Variants in GRM5 observed in about 807,000 individuals in gnomAD.
GRM5 encodes glutamate metabotropic receptor 5, also known as metabotropic glutamate receptor 5.
GRM5 carries 19 observed loss-of-function variants against 83.1 expected under a neutral mutation model. The observed-to-expected ratio is 0.23, with a 90% CI of 0.16 to 0.34. The LOEUF is 0.34. GRM5 is among the 10% of genes least tolerant of loss of function. GRM5 has a pLI of 1.00. For missense variants in GRM5, 1,160 were observed against 1,588.3 expected, an observed-to-expected ratio of 0.73 and a Z score of 4.58; for synonymous variants, 675 against 633.6, an observed-to-expected ratio of 1.07 and a Z score of -0.98.
At chr11:88,943,847 T>C (rs1192993286) in intron 2 of GRM5, among the ~76,000 whole-genome samples, 9 of 152,008 alleles carry the variant, frequency 5.9e-5, no homozygotes, top group Non-Finnish European at 1.0e-4. Flanking sequence ...TTGGCATCCA[T>C]AGCTACAAAT....
chr11:88,646,293 C>G (rs186913897), intron 4 of GRM5, among the ~76,000 whole-genome samples: 1 of 152,120 alleles, frequency 6.6e-6, no homozygotes, highest in East Asian at 1.9e-4. Context: ...AAATTATACT[C>G]TTAATACTTC....
chr11:89,016,121 A>G (rs1007041600), intron 2 of GRM5, among the ~76,000 whole-genome samples: 8 of 151,760 alleles, frequency 5.3e-5, no homozygotes, highest in African/African-American at 1.9e-4. Context: ...TTCTAGTGTT[A>G]AGGTAAAACT....
intron 3 of GRM5, among the ~76,000 whole-genome samples, chr11:88,765,601 G>C (rs1173237690): frequency 5.3e-5 from 8 of 151,636 alleles, no homozygotes; most frequent in Non-Finnish European, 1.5e-5. Context: ...GAAAATGGCA[G>C]TCTTCAACAA....
At chr11:88,750,066 G>A (rs1314243619) in intron 3 of GRM5, among the ~76,000 whole-genome samples, 1 of 152,060 alleles carries the variant, frequency 6.6e-6, no homozygotes, top group African/African-American at 2.4e-5. Flanking sequence ...AATGATGATA[G>A]AATCAAATTC....
intron 3 of GRM5, among the ~76,000 whole-genome samples, chr11:88,653,852 T>C (rs1939699037): frequency 6.6e-6 from 1 of 152,072 alleles, no homozygotes; most frequent in Non-Finnish European, 1.5e-5. Context: ...ACATACCTAA[T>C]ATTAATTTAA....
intron 4 of GRM5, among the ~76,000 whole-genome samples, chr11:88,626,073 T>C (rs149430668): frequency 0.01 from 1,564 of 152,302 alleles, 28 homozygotes; most frequent in African/African-American, 0.035. Flanking sequence ...ACATACTTCT[T>C]GGCCAGTATT....
intron 3 of GRM5, among the ~76,000 whole-genome samples, chr11:88,713,166 A>T (rs889925288): frequency 6.6e-6 from 1 of 152,004 alleles, no homozygotes; most frequent in Non-Finnish European, 1.5e-5. Context: ...CATTTAGTTT[A>T]AAAAAACAAA....
chr11:88,748,583 C>T (rs931734768), intron 3 of GRM5, among the ~76,000 whole-genome samples: 1 of 152,130 alleles, frequency 6.6e-6, no homozygotes, highest in South Asian at 2.1e-4. Flanking sequence ...ACCTGCTCTA[C>T]CAGAAAGCAT....
chr11:88,578,333 T>A (rs1209770843), intron 7 of GRM5, among the ~76,000 whole-genome samples: 1 of 152,176 alleles, frequency 6.6e-6, no homozygotes, highest in African/African-American at 2.4e-5. Context: ...TAGTTAGCAC[T>A]GTATCATAAT....
At chr11:88,557,444 T>C (rs1460450488) in intron 8 of GRM5, among the ~76,000 whole-genome samples, 1 of 151,948 alleles carries the variant, frequency 6.6e-6, no homozygotes, top group African/African-American at 2.4e-5. Flanking sequence ...GCTGGGGAGG[T>C]AGCCATGAGT....
intron 3 of GRM5, among the ~76,000 whole-genome samples, chr11:88,737,394 A>G (rs1464773993): frequency 6.6e-6 from 1 of 152,064 alleles, no homozygotes; most frequent in African/African-American, 2.4e-5. Flanking sequence ...TAGGTATTCA[A>G]TGAACACTTA....
chr11:88,637,137 T>C (rs1218702109), intron 4 of GRM5, among the ~76,000 whole-genome samples: 4 of 152,160 alleles, frequency 2.6e-5, no homozygotes, highest in African/African-American at 9.7e-5. Flanking sequence ...ATAAATTACC[T>C]TGGGCAGTAT....
intron 8 of GRM5, among the ~76,000 whole-genome samples, chr11:88,553,950 TA>T (rs1942567318): frequency 6.6e-6 from 1 of 152,150 alleles, no homozygotes; most frequent in Non-Finnish European, 1.5e-5. Flanking sequence ...GTGTTGTGGT[TA>T]GGAAAGGATC....
intron 2 of GRM5, among the ~76,000 whole-genome samples, chr11:88,971,974 G>A (rs1193973385): frequency 2.6e-5 from 4 of 152,054 alleles, no homozygotes; most frequent in Non-Finnish European, 5.9e-5. Context: ...AGTTGAAGGA[G>A]CTTCCACTAG....
intron 3 of GRM5, among the ~76,000 whole-genome samples, chr11:88,656,466 AGAGAG>A (rs1196361340): frequency 6.6e-5 from 10 of 152,184 alleles, no homozygotes; most frequent in Non-Finnish European, 1.0e-4. Flanking sequence ...ATGGGCATGC[AGAGAG>A]TGGTACACAT....
At chr11:88,712,672 A>G (rs998354899) in intron 3 of GRM5, among the ~76,000 whole-genome samples, 1 of 152,036 alleles carries the variant, frequency 6.6e-6, no homozygotes, top group Non-Finnish European at 1.5e-5. Context: ...ACCACACAGA[A>G]AATAGACTAG....
chr11:88,936,868 C>A (rs1937917137), intron 2 of GRM5, among the ~76,000 whole-genome samples: 1 of 151,676 alleles, frequency 6.6e-6, no homozygotes, highest in Admixed American at 6.6e-5. Context: ...GAGAAAGGAG[C>A]AAAGCCTGGA....
At chr11:88,890,361 C>A (rs987965171) in intron 2 of GRM5, among the ~76,000 whole-genome samples, 6 of 152,056 alleles carry the variant, frequency 3.9e-5, no homozygotes, top group Admixed American at 3.3e-4. Context: ...TGCTACCTGG[C>A]CCAGTTCCAC....
intron 8 of GRM5, among the ~76,000 whole-genome samples, chr11:88,564,995 A>G (rs1426518403): frequency 1.3e-5 from 2 of 152,140 alleles, no homozygotes; most frequent in African/African-American, 2.4e-5. Flanking sequence ...AAGACTGACA[A>G]TGGTTAACTT....
Sources: gnomAD v4.1 joint callset for allele counts (sites outside exome capture counted in the v4.1 genomes callset) on GRCh38, gnomAD v4.1.1 for gene constraint, MANE v1.5 for transcripts, NCBI Gene and HGNC (gene_info 2026-07-23, HGNC 2026-07-21) for gene names.